VAT1L: variants seen among roughly 807,000 people sequenced by gnomAD.
VAT1L encodes the protein vesicle amine transport 1 like, also known as putative NADPH-dependent quinone oxidoreductase VAT1L.
A neutral mutation model predicts 44.1 loss-of-function variants in VAT1L; 34 were observed. The observed-to-expected ratio is 0.77, with a 90% CI of 0.59 to 1.03. The LOEUF (loss-of-function observed/expected upper bound fraction) is 1.03, where lower values mean the gene tolerates loss of function less well. VAT1L is among the 50% of genes least tolerant of loss of function. The probability of loss-of-function intolerance (pLI) is 0.00; values close to 1 mark genes in which losing one functional copy is unlikely to be tolerated. For missense variants in VAT1L, 615 were observed against 538.8 expected (o/e 1.14, Z -1.40); for synonymous variants, 253 against 202.2 (o/e 1.25, Z -2.13).
intron 7 of VAT1L, among the ~76,000 whole-genome samples, chr16:77,928,485 A>T (rs992231764): frequency 6.6e-6 from 1 of 152,182 alleles, no homozygotes; most frequent in African/African-American, 2.4e-5. Flanking sequence ...CTATCCTGTG[A>T]GAGACAAAAG....
At chr16:77,822,887 G>A (rs559758668) in intron 2 of VAT1L, among the ~76,000 whole-genome samples, 34 of 152,122 alleles carry the variant, frequency 2.2e-4, no homozygotes, top group African/African-American at 8.0e-4. Flanking sequence ...TAGGTAACCC[G>A]AACCCCTGCC....
intron 7 of VAT1L, among the ~76,000 whole-genome samples, chr16:77,908,488 A>G (rs964928132): frequency 1.7e-4 from 25 of 150,078 alleles, no homozygotes; most frequent in Non-Finnish European, 3.6e-4. Context: ...AAAAAAAAAA[A>G]AGCCATCACA....
chr16:77,832,668 A>G (rs2016592756), intron 3 of VAT1L, among the ~76,000 whole-genome samples: 1 of 152,232 alleles, frequency 6.6e-6, no homozygotes, highest in East Asian at 1.9e-4. Flanking sequence ...AAATTTGGTA[A>G]CCACTCAATG....
At chr16:77,842,061 G>A (rs1298021378) in intron 3 of VAT1L, among the ~76,000 whole-genome samples, 2 of 152,130 alleles carry the variant, frequency 1.3e-5, no homozygotes, top group East Asian at 3.9e-4. Context: ...CTAATTTTTT[G>A]TGTTTTTAGT....
At chr16:77,976,289 A>C (rs1428316446) in intron 8 of VAT1L, among the ~76,000 whole-genome samples, 1 of 152,214 alleles carries the variant, frequency 6.6e-6, no homozygotes, top group Non-Finnish European at 1.5e-5. Context: ...TATTTGGGCC[A>C]TGAAAGCTCA....
chr16:77,957,617 CGGGAGGCTGA>C (rs1429552844), intron 7 of VAT1L, among the ~76,000 whole-genome samples: 2 of 151,680 alleles, frequency 1.3e-5, no homozygotes, highest in African/African-American at 4.8e-5. Flanking sequence ...CCCAGCTACT[CGGGAGGCTGA>C]GGCAGGAGAA....
chr16:77,825,366 C>T lies in VAT1L; in HGVS notation c.484C>T (p.Pro162Ser), dbSNP rs1020004516. The part of the protein sequence containing the change: ...DMSFSEAAAF[P>S]MNFVTAYVML... ...GAGCTTCTCCGAGGCTGCTGCATTC[C>T]CCATGAACTTCGTCACAGCCTATGT... Residue 162 changes from proline to serine, a missense_variant, in exon 3 of 9, where the codon CCC (proline) becomes TCC (serine). Pro to Ser is a moderately conservative substitution (Grantham distance 74). Transcript: ENST00000302536. 1.2e-6 allele frequency: 2 copies of T among 1,614,092 alleles called. No individual in the cohort carries two copies. Among genetic ancestry groups the T allele is most frequent in the East Asian group, 2.2e-5 (1 of 44,866 alleles).
At chr16:77,824,192 C>T (rs1284458136) in intron 2 of VAT1L, among the ~76,000 whole-genome samples, 1 of 152,126 alleles carries the variant, frequency 6.6e-6, no homozygotes, top group Non-Finnish European at 1.5e-5. Context: ...TGAAGGAGGG[C>T]TCTGCATTGT....
intron 4 of VAT1L, among the ~76,000 whole-genome samples, chr16:77,870,647 G>C (rs886942310): frequency 6.6e-6 from 1 of 152,194 alleles, no homozygotes; most frequent in Non-Finnish European, 1.5e-5. Context: ...TATAATCCCC[G>C]AGCTGGGGCT....
chr16:77,954,232 C>G (rs1390545542), intron 7 of VAT1L, among the ~76,000 whole-genome samples: 2 of 152,182 alleles, frequency 1.3e-5, no homozygotes, highest in Admixed American at 1.3e-4. Flanking sequence ...TTGTCTGTTG[C>G]CCTGGAGTGA....
intron 3 of VAT1L, among the ~76,000 whole-genome samples, chr16:77,845,274 C>A (rs960411724): frequency 3.3e-5 from 5 of 152,132 alleles, no homozygotes; most frequent in Non-Finnish European, 4.4e-5. Context: ...AGGCAGGTTG[C>A]AAGAGCCCTG....
intron 7 of VAT1L, among the ~76,000 whole-genome samples, chr16:77,887,568 A>T (rs186871395): frequency 5.3e-5 from 8 of 152,214 alleles, no homozygotes; most frequent in Admixed American, 3.3e-4. Context: ...CTCATCTCCA[A>T]CCCTCAGTGC....
At chr16:77,911,035 C>A (rs150408709) in intron 7 of VAT1L, among the ~76,000 whole-genome samples, 113 of 152,288 alleles carry the variant, frequency 7.4e-4, no homozygotes, top group African/African-American at 2.7e-3. Flanking sequence ...TGCTTGTAAC[C>A]ACTACATGCA....
rs1246052816 is a variant in VAT1L, at chr16:77,972,430, A to C, written c.1161+497A>C. 2.6e-5 allele frequency among the ~76,000 whole-genome samples: 4 copies of C among 152,096 alleles called. No individual in the cohort carries two copies. In the East Asian group the frequency reaches 7.7e-4, roughly 29 times the overall value. On this transcript the variant is annotated intron_variant, in intron 8 of 8. Transcript: ENST00000302536. ...GCCTCCTGACTGAAGTGATCCTCCC[A>C]CCTCAGCCTCTTGAGCAGCTGAGAC...
At position 77,971,929 on chromosome 16, in the gene VAT1L, C is replaced by T. The variant is rs761535109; in HGVS notation, c.1157C>T (p.Pro386Leu). ...CTGGATGTAGAAAAGACCCCAACTC[C>T]ACTGGTGAGTGAAAAGCAGAGGAGT... Reference protein sequence around the residue: ...LILDVEKTPTPLMANDSTETS... With the variant: ...LILDVEKTPTLLMANDSTETS... Residue 386 changes from proline (P) to leucine (L), a missense_variant, in exon 8 of 9, where the codon CCA becomes CTA. By Grantham distance (98) the Pro-to-Leu change is moderately conservative. Transcript: ENST00000302536. The T allele has an allele frequency of 1.2e-6, 2 of 1,613,548 alleles. No homozygotes were observed. The highest frequency in any genetic ancestry group is 1.7e-6 in the Non-Finnish European group (2 of 1,179,722).
chr16:77,828,009 ATC>A (rs2016542129), intron 3 of VAT1L, among the ~76,000 whole-genome samples: 1 of 152,222 alleles, frequency 6.6e-6, no homozygotes, highest in African/African-American at 2.4e-5. Flanking sequence ...AGTTGGACCC[ATC>A]TCTCAGACGG....
intron 7 of VAT1L, among the ~76,000 whole-genome samples, chr16:77,966,442 G>A (rs1197212827): frequency 1.3e-5 from 2 of 151,958 alleles, no homozygotes; most frequent in Admixed American, 6.6e-5. Flanking sequence ...CTCCAGGAGG[G>A]GACCCAGGAC....
intron 7 of VAT1L, among the ~76,000 whole-genome samples, chr16:77,955,491 A>G (rs1346807690): frequency 6.6e-6 from 1 of 152,214 alleles, no homozygotes; most frequent in Non-Finnish European, 1.5e-5. Flanking sequence ...TTGGGACGCC[A>G]AGGCGGGAAG....
intron 1 of VAT1L, among the ~76,000 whole-genome samples, chr16:77,804,921 G>C (rs2016128823): frequency 6.6e-6 from 1 of 152,220 alleles, no homozygotes; most frequent in African/African-American, 2.4e-5. Flanking sequence ...TAAAGTGGTA[G>C]ATTATGAATA....
Sources: allele counts gnomAD v4.1 joint callset (sites outside exome capture counted in the v4.1 genomes callset), GRCh38; gene constraint gnomAD v4.1.1; transcripts MANE v1.5; gene names NCBI Gene and HGNC (gene_info 2026-07-23, HGNC 2026-07-21).